Variants in PCDH15 observed in about 807,000 individuals in gnomAD.
The protein encoded by PCDH15 is protocadherin-15.
Under a neutral mutation model 178.5 loss-of-function variants are expected in PCDH15, and 129 were observed. The observed-to-expected ratio is 0.72, with a 90% CI of 0.63 to 0.84. The LOEUF (loss-of-function observed/expected upper bound fraction) is 0.84, where lower values mean the gene tolerates loss of function less well. PCDH15 is among the 40% of genes least tolerant of loss of function. The pLI is 0.00. For missense variants in PCDH15, 2,230 were observed against 2,099.9 expected, an observed-to-expected ratio of 1.06 and a Z score of -1.21; for synonymous variants, 800 against 732.0, an observed-to-expected ratio of 1.09 and a Z score of -1.50.
intron 9 of PCDH15, among the ~76,000 whole-genome samples, chr10:54,221,628 A>T (rs534993494): frequency 8.1e-5 from 12 of 148,758 alleles, no homozygotes; most frequent in African/African-American, 3.0e-4. Context: ...TTTGAGAAAG[A>T]GTTTTGCTCT....
chr10:54,341,720 A>C (rs1449140689), intron 6 of PCDH15, among the ~76,000 whole-genome samples: 1 of 152,206 alleles, frequency 6.6e-6, no homozygotes, highest in South Asian at 2.1e-4. Flanking sequence ...GAATGCTTTC[A>C]ACCAAAATGC....
chr10:54,580,199 C>T (rs1308661291), intron 2 of PCDH15, among the ~76,000 whole-genome samples: 2 of 151,844 alleles, frequency 1.3e-5, no homozygotes, highest in African/African-American at 4.8e-5. Context: ...ACTTTGAAAG[C>T]ATAAACAAGA....
Position 55,278,257 on chromosome 10 carries a change from TA to T in PCDH15, c.-156+41341del, listed in dbSNP as rs1189123566. Among the ~76,000 whole-genome samples the T allele has an allele frequency of 8.5e-3, 1,287 of 152,098 alleles. 19 individuals are homozygous for T. The highest frequency in any genetic ancestry group is 0.029 in the African/African-American group (1,195 of 41,462). On this transcript the variant is annotated intron_variant, in intron 1 of 5. Coordinates refer to the PCDH15 transcript ENST00000458638. ...GAGTAACATATCTTTTCATGAATAT[TA>T]AAAAAAAGTTAAAAACCTAAAGAAT...
chr10:55,373,997 A>G (rs961005111), intron 2 of PCDH15, among the ~76,000 whole-genome samples: 1 of 151,716 alleles, frequency 6.6e-6, no homozygotes, highest in Admixed American at 6.6e-5. Flanking sequence ...TGTAGATGAC[A>G]GGTTGATGGA....
At chr10:54,928,099 C>G (rs1292669246) in intron 2 of PCDH15, among the ~76,000 whole-genome samples, 1 of 152,128 alleles carries the variant, frequency 6.6e-6, no homozygotes, top group Non-Finnish European at 1.5e-5. Flanking sequence ...ATATATAATG[C>G]TTCCTTCAGG....
At chr10:55,333,156 T>C (rs1270889990) in intron 2 of PCDH15, among the ~76,000 whole-genome samples, 1 of 152,166 alleles carries the variant, frequency 6.6e-6, no homozygotes, top group Admixed American at 6.5e-5. Context: ...AACCCAATTA[T>C]AACTTTAACA....
At chr10:55,582,587 T>TG (rs1842635651) in intron 2 of PCDH15, among the ~76,000 whole-genome samples, 1 of 126,724 alleles carries the variant, frequency 7.9e-6, no homozygotes, top group African/African-American at 3.0e-5. Flanking sequence ...CTATTCTGTA[T>TG]GTGTATGTGT....
In PCDH15 at chr10:54,132,840, T is replaced by TACACAC. The variant is rs5785040; in HGVS notation, c.1917+29_1917+34dup. On this transcript the variant is annotated intron_variant, in intron 15 of 37. Coordinates refer to ENST00000644397, the MANE Select transcript of PCDH15 (RefSeq NM_001384140.1). ...GCCAAGCTTGTCACTTTAGAATTTATACACACACACACACACACACACCAA... is the reference window on the plus strand; with the variant it reads ...GCCAAGCTTGTCACTTTAGAATTTATACACACACACACACACACACACACACACCAA... 54,920 of 1,494,628 alleles carry TACACAC rather than the reference T, an allele frequency of 0.037. 361 individuals are homozygous for TACACAC. The highest frequency in any genetic ancestry group is 0.042 in the Non-Finnish European group (46,368 of 1,098,838). 92.6% of individuals were successfully genotyped at this position (1,494,628 alleles called of 1,614,324 possible).
chr10:55,349,949 G>T (rs1844867187), intron 2 of PCDH15, among the ~76,000 whole-genome samples: 1 of 151,410 alleles, frequency 6.6e-6, no homozygotes, highest in Non-Finnish European at 1.5e-5. Context: ...TCTACACTTG[G>T]TATAATAATC....
chr10:54,793,018 C>T (rs1221522995), intron 1 of PCDH15, among the ~76,000 whole-genome samples: 6 of 151,708 alleles, frequency 4.0e-5, no homozygotes, highest in Admixed American at 2.0e-4. Flanking sequence ...TACCCAGTAC[C>T]AAGCTGACTT....
chr10:54,541,725 C>G (rs1162210486), intron 2 of PCDH15, among the ~76,000 whole-genome samples: 1 of 152,150 alleles, frequency 6.6e-6, no homozygotes, highest in Admixed American at 6.5e-5. Context: ...TTATGAAAAG[C>G]AGCTTTTATT....
chr10:54,132,985 T>C lies in PCDH15; in HGVS notation c.1807A>G (p.Ile603Val). 6.2e-7 allele frequency: 1 copy of C among 1,614,060 alleles called. No homozygotes were observed. The highest frequency in any genetic ancestry group is 1.1e-5 in the South Asian group (1 of 91,078). Residue 603 changes from isoleucine (I) to valine (V), a missense_variant, in exon 15 of 38, where the codon ATT (isoleucine) becomes GTT (valine). By Grantham distance (29) the Ile-to-Val change is conservative. Transcript: ENST00000644397. The stretch of plus-strand genomic sequence containing the variant: ...TGATTATTTGGTGGAAGCACTTCAA[T>C]ATACACAGTGCAGATGGAGTTCCTG... ...ERRNSICTVY[I>V]EVLPPNNQSP...
At chr10:54,050,324 C>A (rs1040892084) in intron 18 of PCDH15, among the ~76,000 whole-genome samples, 4 of 152,116 alleles carry the variant, frequency 2.6e-5, no homozygotes, top group African/African-American at 9.7e-5. Context: ...TCCATTTCAT[C>A]TACATTTTCT....
chr10:54,681,268 C>A (rs2094894043), intron 1 of PCDH15, among the ~76,000 whole-genome samples: 3 of 152,044 alleles, frequency 2.0e-5, no homozygotes, highest in East Asian at 3.9e-4. Context: ...TATTAAACTA[C>A]CAAATACAGA....
intron 36 of PCDH15, 139 bp downstream of exon 36, chr10:53,811,410 T>A (rs1015310236): frequency 1.5e-5 from 7 of 473,124 alleles, no homozygotes; most frequent in Middle Eastern, 5.9e-4. Flanking sequence ...AAGCTAGATA[T>A]ACTATTCATT....
At chr10:54,695,399 G>A (rs1358544503) in intron 1 of PCDH15, among the ~76,000 whole-genome samples, 2 of 152,120 alleles carry the variant, frequency 1.3e-5, no homozygotes, top group Non-Finnish European at 2.9e-5. Context: ...GTTAGCAGAG[G>A]TTGTTTATAA....
intron 25 of PCDH15, among the ~76,000 whole-genome samples, chr10:53,928,470 A>G (rs1423719249): frequency 1.3e-5 from 2 of 152,096 alleles, no homozygotes; most frequent in Non-Finnish European, 2.9e-5. Flanking sequence ...GGGATAGCCA[A>G]TGCCTACAAC....
At chr10:54,943,981 G>A (rs868609147) in intron 2 of PCDH15, among the ~76,000 whole-genome samples, 12 of 151,804 alleles carry the variant, frequency 7.9e-5, no homozygotes, top group Admixed American at 2.6e-4. Flanking sequence ...ACAGTAGGTA[G>A]TTTAGCCAAG....
In PCDH15 at chr10:54,878,427, C is replaced by CA. The variant is rs1205132284; in HGVS notation, c.-29+19022dup. ...TGCAGATATTCCACAAGAAGACAGC[C>CA]AGAGTGTATACGAGTTAATCAGCCT... is the stretch of plus-strand genomic sequence containing the variant. On this transcript the variant is annotated intron_variant, in intron 3 of 5. Transcript: ENST00000458638. Among the ~76,000 whole-genome samples, 6 of 152,148 alleles carry CA rather than the reference C, an allele frequency of 3.9e-5. 1 individual carries two copies. The highest frequency in any genetic ancestry group is 3.9e-4 in the Admixed American group (6 of 15,264).
Sources: allele counts gnomAD v4.1 joint callset (sites outside exome capture counted in the v4.1 genomes callset), GRCh38; gene constraint gnomAD v4.1.1; transcripts MANE v1.5; gene names NCBI Gene and HGNC (gene_info 2026-07-23, HGNC 2026-07-21).